Variants in PAX5 observed in about 807,000 individuals in gnomAD.
The protein encoded by PAX5 is paired box protein Pax-5.
A neutral mutation model predicts 43.7 loss-of-function variants in PAX5; 9 were observed. The observed-to-expected ratio is 0.21, with a 90% CI of 0.12 to 0.36. The LOEUF (loss-of-function observed/expected upper bound fraction) is 0.36, where lower values mean the gene tolerates loss of function less well. PAX5 is among the 10% of genes least tolerant of loss of function. PAX5 has a pLI of 1.00. For synonymous variants in PAX5, 228 were observed against 214.3 expected (o/e 1.06, Z -0.56); for missense variants, 383 against 532.7 (o/e 0.72, Z 2.77).
At chr9:36,848,002 A>C (rs532328396) in intron 8 of PAX5, among the ~76,000 whole-genome samples, 1 of 152,296 alleles carries the variant, frequency 6.6e-6, no homozygotes, top group Non-Finnish European at 1.5e-5. Flanking sequence ...GCCCTGGAAC[A>C]GGGCATGGAA....
chr9:37,028,944 CTG>C (rs1465586074), intron 1 of PAX5, among the ~76,000 whole-genome samples: 1 of 152,198 alleles, frequency 6.6e-6, no homozygotes, highest in Non-Finnish European at 1.5e-5. Context: ...ATCAAAGAAA[CTG>C]GACCTTGAAA....
chr9:36,850,065 A>G (rs1229659285), intron 8 of PAX5, among the ~76,000 whole-genome samples: 11 of 152,204 alleles, frequency 7.2e-5, no homozygotes, highest in African/African-American at 2.4e-4. Flanking sequence ...AAGGGTGGGT[A>G]GGACTTTGAT....
chr9:36,934,377 G>T (rs567220104), intron 6 of PAX5, among the ~76,000 whole-genome samples: 19 of 152,316 alleles, frequency 1.2e-4, no homozygotes, highest in African/African-American at 4.3e-4. Flanking sequence ...TGAAAAAACA[G>T]CAGGAGGAAT....
intron 1 of PAX5, among the ~76,000 whole-genome samples, chr9:37,033,582 C>A (rs558291099): frequency 3.0e-5 from 4 of 134,318 alleles, no homozygotes; most frequent in Admixed American, 1.6e-4. Flanking sequence ...CACACGAATA[C>A]CCCACGAGTA....
At chr9:36,960,122 G>C (rs1833833662) in intron 6 of PAX5, among the ~76,000 whole-genome samples, 1 of 152,208 alleles carries the variant, frequency 6.6e-6, no homozygotes, top group Non-Finnish European at 1.5e-5. Flanking sequence ...GGCCATTGAA[G>C]GCCTCACAGG....
intron 8 of PAX5, among the ~76,000 whole-genome samples, chr9:36,851,131 A>G (rs1314453555): frequency 6.6e-6 from 1 of 152,230 alleles, no homozygotes; most frequent in Non-Finnish European, 1.5e-5. Context: ...GCAAAATAAA[A>G]GCACCTACAT....
intron 7 of PAX5, among the ~76,000 whole-genome samples, chr9:36,906,460 C>G (rs964443845): frequency 2.6e-5 from 4 of 152,184 alleles, no homozygotes; most frequent in Non-Finnish European, 4.4e-5. Flanking sequence ...CCTCTAGAAG[C>G]TGGAAAAGGC....
intron 5 of PAX5, among the ~76,000 whole-genome samples, chr9:36,991,718 AC>A (rs11317697): frequency 0.58 from 87,779 of 151,868 alleles, 26,059 homozygotes; most frequent in Middle Eastern, 0.67. Context: ...CTTGTTCCTA[AC>A]CCTGGACAGC....
At position 36,907,220 on chromosome 9, in the gene PAX5, T is replaced by C. The variant is rs75732723; in HGVS notation, c.910+16135A>G. 3.2e-4 allele frequency among the ~76,000 whole-genome samples: 48 copies of C among 152,346 alleles called. 1 individual carries two copies. The East Asian group carries it at 7.7e-3, about 24-fold the overall frequency. ...GTGTTTTAAAGAGTAGAAGATTAAATGAACCAAAGTACATAACAAATGCTT... is the reference window on the plus strand; with the variant it reads ...GTGTTTTAAAGAGTAGAAGATTAAACGAACCAAAGTACATAACAAATGCTT... On this transcript the variant is annotated intron_variant, in intron 7 of 9. Coordinates refer to ENST00000358127, the MANE Select transcript of PAX5 (RefSeq NM_016734.3).
intron 5 of PAX5, among the ~76,000 whole-genome samples, chr9:36,996,270 C>A (rs73438947): frequency 0.056 from 8,543 of 152,330 alleles, 396 homozygotes; most frequent in East Asian, 0.16. Context: ...TGGGGCCACG[C>A]CCTTGGCAGC....
At chr9:37,010,172 A>G (rs1328483806) in intron 3 of PAX5, among the ~76,000 whole-genome samples, 1 of 152,212 alleles carries the variant, frequency 6.6e-6, no homozygotes, top group Non-Finnish European at 1.5e-5. Flanking sequence ...CACACTCAGG[A>G]CCTTTTCTAA....
rs910271122 is a variant in PAX5 at position 37,034,160 on chromosome 9, C to G, written c.-129G>C. The G allele has an allele frequency of 5.6e-6, 3 of 537,692 alleles. No homozygotes were observed. The Admixed American group carries it at 1.2e-4, about 21-fold the overall frequency. The allele number at this position is 537,692 out of a possible 1,614,324, so 33.3% of individuals were successfully genotyped here. Reference sequence around the variant, plus strand: ...GGGCCGCTCACAGGTCGGAATAATTCAAGCCTTCCGCTCCCCCGCCGAGCT... The same window carrying G: ...GGGCCGCTCACAGGTCGGAATAATTGAAGCCTTCCGCTCCCCCGCCGAGCT... On this transcript the variant is annotated 5_prime_UTR_variant, in exon 1 of 10. Transcript: ENST00000358127.
At chr9:36,937,038 A>C (rs377102376) in intron 6 of PAX5, among the ~76,000 whole-genome samples, 3 of 152,310 alleles carry the variant, frequency 2.0e-5, no homozygotes, top group East Asian at 1.9e-4. Flanking sequence ...GGCAACTACC[A>C]GAAAGAGAAG....
At chr9:36,886,440 C>T (rs1324433966) in intron 7 of PAX5, among the ~76,000 whole-genome samples, 3 of 152,146 alleles carry the variant, frequency 2.0e-5, no homozygotes, top group African/African-American at 7.2e-5. Flanking sequence ...AGAACTCTCC[C>T]GGCACCAAGC....
At chr9:36,904,837 T>C (rs1224837288) in intron 7 of PAX5, among the ~76,000 whole-genome samples, 2 of 152,220 alleles carry the variant, frequency 1.3e-5, no homozygotes, top group Admixed American at 6.5e-5. Flanking sequence ...AATTCATCCA[T>C]TCATTCATTC....
At chr9:36,879,233 C>T (rs1212957124) in intron 8 of PAX5, among the ~76,000 whole-genome samples, 1 of 152,244 alleles carries the variant, frequency 6.6e-6, no homozygotes, top group Non-Finnish European at 1.5e-5. Flanking sequence ...CCATCCATTC[C>T]CACTGGAGGC....
intron 8 of PAX5, among the ~76,000 whole-genome samples, chr9:36,853,518 G>C (rs2131616218): frequency 6.6e-6 from 1 of 152,232 alleles, no homozygotes; most frequent in South Asian, 2.1e-4. Context: ...AAGAGCCCCT[G>C]ACCTGCAAAT....
chr9:36,850,010 G>A (rs763440724), intron 8 of PAX5, among the ~76,000 whole-genome samples: 1 of 152,210 alleles, frequency 6.6e-6, no homozygotes, highest in Non-Finnish European at 1.5e-5. Flanking sequence ...AGAAGGCCTG[G>A]GAACACTTTC....
chr9:36,906,854 T>A (rs909172229), intron 7 of PAX5, among the ~76,000 whole-genome samples: 1 of 152,032 alleles, frequency 6.6e-6, no homozygotes, highest in Non-Finnish European at 1.5e-5. Flanking sequence ...CATAGTGAGT[T>A]CTATCCCCAT....
Sources: allele counts gnomAD v4.1 joint callset (sites outside exome capture counted in the v4.1 genomes callset), GRCh38; gene constraint gnomAD v4.1.1; transcripts MANE v1.5; gene names NCBI Gene and HGNC (gene_info 2026-07-23, HGNC 2026-07-21).